The following RARB variants were observed in gnomAD, a reference collection of about 807,000 sequenced individuals.
The protein encoded by RARB is retinoic acid receptor beta, also known as HBV-activated protein.
A neutral mutation model predicts 51.9 loss-of-function variants in RARB; 17 were observed. That is an observed-to-expected ratio of 0.33 (90% confidence interval 0.22 to 0.49). The LOEUF (loss-of-function observed/expected upper bound fraction) is 0.49, where lower values mean the gene tolerates loss of function less well. Ranked by LOEUF, RARB falls within the 20% of genes least tolerant of loss-of-function variation. RARB has a pLI of 0.99. For missense variants in RARB, 369 were observed against 550.8 expected (o/e 0.67, Z 3.30); for synonymous variants, 215 against 195.4 (o/e 1.10, Z -0.84).
At chr3:24,931,674 A>T (rs1035698881) in intron 2 of RARB, among the ~76,000 whole-genome samples, 1 of 152,090 alleles carries the variant, frequency 6.6e-6, no homozygotes, top group Admixed American at 6.6e-5. Context: ...AGACCTCACA[A>T]CGTGTCTTTG....
intron 3 of RARB, among the ~76,000 whole-genome samples, chr3:25,548,488 C>T (rs1699712323): frequency 6.6e-6 from 1 of 151,542 alleles, no homozygotes; most frequent in South Asian, 2.1e-4. Flanking sequence ...ATTCAGATTC[C>T]CTTGATTTTA....
At chr3:25,224,706 C>T (rs767843508) in intron 5 of RARB, among the ~76,000 whole-genome samples, 6 of 152,060 alleles carry the variant, frequency 3.9e-5, no homozygotes, top group Non-Finnish European at 8.8e-5. Context: ...CTCCTGGGCT[C>T]AAGCAATCTT....
rs114718001 is a variant in RARB, at chr3:24,886,362, T to A, written c.-380+27610T>A. ...GGTTGTTCAGTTGAGCTGGCTCACC[T>A]AATCCTTAATTGAAAAGAGGACCGT... On this transcript the variant is annotated intron_variant, in intron 2 of 11. Coordinates refer to the RARB transcript ENST00000383772. 8.9e-3 allele frequency among the ~76,000 whole-genome samples: 1,351 copies of A among 152,174 alleles called. 19 individuals are homozygous for A. The highest frequency in any genetic ancestry group is 0.031 in the African/African-American group (1,296 of 41,506).
chr3:25,332,667 T>A (rs1040398644), intron 5 of RARB, among the ~76,000 whole-genome samples: 1 of 152,202 alleles, frequency 6.6e-6, no homozygotes, highest in African/African-American at 2.4e-5. Flanking sequence ...TGCTGGAAGT[T>A]CTGGCCAGGG....
chr3:25,151,950 C>T (rs891678056), intron 4 of RARB, among the ~76,000 whole-genome samples: 4 of 151,826 alleles, frequency 2.6e-5, no homozygotes, highest in African/African-American at 9.7e-5. Flanking sequence ...TGAAAGTATG[C>T]CTGGGCAACG....
chr3:25,582,166 C>T (rs535119577), intron 5 of RARB, among the ~76,000 whole-genome samples: 11 of 152,080 alleles, frequency 7.2e-5, no homozygotes, highest in African/African-American at 1.4e-4. Flanking sequence ...ACAATGTGGG[C>T]GAATCAATAA....
At chr3:25,347,412 T>G (rs1705427554) in intron 5 of RARB, among the ~76,000 whole-genome samples, 1 of 152,198 alleles carries the variant, frequency 6.6e-6, no homozygotes, top group Non-Finnish European at 1.5e-5. Context: ...AGGTAGTCAT[T>G]GCCACTCACC....
intron 1 of RARB, among the ~76,000 whole-genome samples, chr3:25,446,660 G>A (rs910846294): frequency 2.0e-5 from 3 of 151,716 alleles, no homozygotes; most frequent in African/African-American, 4.8e-5. Context: ...AAAATTAGCC[G>A]GGCGTGGTGG....
At chr3:25,069,980 T>C (rs934136385) in intron 3 of RARB, among the ~76,000 whole-genome samples, 5 of 152,166 alleles carry the variant, frequency 3.3e-5, no homozygotes, top group Non-Finnish European at 7.3e-5. Context: ...AATTTGTTGC[T>C]GGACAGTTCT....
At chr3:25,174,628 A>T in intron 5 of RARB, 6 of 1,324,972 alleles carry the variant, frequency 4.5e-6, no homozygotes, top group Middle Eastern at 2.1e-4. Flanking sequence ...GGATGAAGGG[A>T]CCTGAGAAAA....
chr3:25,475,836 T>C lies in RARB; in HGVS notation c.306+14495T>C, dbSNP rs144254095. ...TCTCACAGTAACATCCTTTCTTCCA[T>C]TCACAGTTGAGGCCCTAACTCTTCC... On this transcript the variant is annotated intron_variant, in intron 2 of 7. Coordinates refer to ENST00000330688, the MANE Select transcript of RARB (RefSeq NM_000965.5). 4.6e-4 allele frequency among the ~76,000 whole-genome samples: 70 copies of C among 152,328 alleles called. 1 individual carries two copies. The highest frequency in any genetic ancestry group is 1.6e-3 in the African/African-American group (65 of 41,564).
chr3:24,864,844 G>A (rs1048393802), intron 2 of RARB, among the ~76,000 whole-genome samples: 1 of 152,176 alleles, frequency 6.6e-6, no homozygotes, highest in Non-Finnish European at 1.5e-5. Flanking sequence ...TGGAAGGTGT[G>A]TGAAAACACA....
chr3:25,543,912 T>C (rs1559459879), intron 3 of RARB, among the ~76,000 whole-genome samples: 1 of 152,242 alleles, frequency 6.6e-6, no homozygotes, highest in Non-Finnish European at 1.5e-5. Context: ...GAAAAATCCT[T>C]TATAATCCCT....
In RARB at chr3:25,244,187, C is replaced by T. The variant is rs141925246; in HGVS notation, c.178+69612C>T. 3.2e-4 allele frequency among the ~76,000 whole-genome samples: 48 copies of T among 150,898 alleles called. 1 individual carries two copies. The highest frequency in any genetic ancestry group is 6.2e-4 in the Non-Finnish European group (42 of 67,628). ...TTTATCATTTTTTATTGTGTCTATT[C>T]GATTCTTCTCCTTTTCTTCTTTATT... On this transcript the variant is annotated intron_variant, in intron 5 of 11. Coordinates refer to the RARB transcript ENST00000383772.
At chr3:25,039,984 AAG>A (rs1334970612) in intron 2 of RARB, among the ~76,000 whole-genome samples, 1 of 152,192 alleles carries the variant, frequency 6.6e-6, no homozygotes, top group African/African-American at 2.4e-5. Flanking sequence ...AGCTAAACAA[AAG>A]AGAGATGTTA....
chr3:25,362,398 A>G (rs899564335), intron 5 of RARB, among the ~76,000 whole-genome samples: 1 of 152,164 alleles, frequency 6.6e-6, no homozygotes, highest in Admixed American at 6.5e-5. Context: ...CAGTACTCTC[A>G]TTCCAGTGGA....
chr3:24,857,567 G>C (rs1250600980), intron 1 of RARB, among the ~76,000 whole-genome samples: 1 of 152,106 alleles, frequency 6.6e-6, no homozygotes, highest in East Asian at 1.9e-4. Context: ...ATTCAACTCA[G>C]CATCCCGTAT....
chr3:25,260,070 T>G (rs1310269507), intron 5 of RARB: 1 of 854,794 alleles, frequency 1.2e-6, no homozygotes, highest in Admixed American at 6.2e-5. Flanking sequence ...CTGGTTTTCT[T>G]GGGCACAAGG....
intron 5 of RARB, among the ~76,000 whole-genome samples, chr3:25,390,795 T>A (rs894454816): frequency 1.8e-4 from 27 of 152,308 alleles, no homozygotes; most frequent in African/African-American, 6.3e-4. Context: ...AACAAATATT[T>A]ATTCAGCTCT....
Sources: allele counts gnomAD v4.1 joint callset (sites outside exome capture counted in the v4.1 genomes callset), GRCh38; gene constraint gnomAD v4.1.1; transcripts MANE v1.5; gene names NCBI Gene and HGNC (gene_info 2026-07-23, HGNC 2026-07-21).